DAB1: variants seen among roughly 807,000 people sequenced by gnomAD.
The protein encoded by DAB1 is DAB adaptor protein 1, also known as disabled homolog 1.
A neutral mutation model predicts 64.6 loss-of-function variants in DAB1; 15 were observed. The ratio of observed to expected loss-of-function variants is 0.23; its 90% confidence interval spans 0.16 to 0.36. The LOEUF (loss-of-function observed/expected upper bound fraction) is 0.36, where lower values mean the gene tolerates loss of function less well. Among genes scored for constraint, DAB1 ranks in the 10% least tolerant of loss-of-function variants. The pLI is 1.00. For synonymous variants in DAB1, 235 were observed against 251.9 expected (o/e 0.93, Z 0.64); for missense variants, 596 against 706.7 (o/e 0.84, Z 1.78).
At chr1:58,301,748 C>T (rs545962672) in intron 4 of DAB1, among the ~76,000 whole-genome samples, 41 of 152,114 alleles carry the variant, frequency 2.7e-4, no homozygotes, top group Non-Finnish European at 4.6e-4. Flanking sequence ...CCCAGATTGC[C>T]TTGAGTTCGA....
chr1:57,032,066 C>G (rs1646981615), intron 9 of DAB1, among the ~76,000 whole-genome samples: 1 of 152,172 alleles, frequency 6.6e-6, no homozygotes, highest in South Asian at 2.1e-4. Flanking sequence ...TCAGTAATAT[C>G]TAGTTCAAGA....
chr1:57,265,295 G>A (rs1406670291), intron 2 of DAB1, among the ~76,000 whole-genome samples: 2 of 152,170 alleles, frequency 1.3e-5, no homozygotes, highest in Non-Finnish European at 2.9e-5. Flanking sequence ...TGCAGGATGT[G>A]CGTTCTTGTG....
intron 4 of DAB1, among the ~76,000 whole-genome samples, chr1:57,096,919 A>G (rs990908975): frequency 1.3e-5 from 2 of 152,150 alleles, no homozygotes; most frequent in Non-Finnish European, 2.9e-5. Flanking sequence ...CTGGGCTCCT[A>G]TAACATAGGA....
At chr1:58,192,155 C>T (rs1379994480) in intron 4 of DAB1, among the ~76,000 whole-genome samples, 1 of 152,122 alleles carries the variant, frequency 6.6e-6, no homozygotes, top group Non-Finnish European at 1.5e-5. Flanking sequence ...TGCATGATTC[C>T]AGTTATAGAA....
intron 7 of DAB1, among the ~76,000 whole-genome samples, chr1:57,530,920 T>C (rs945886102): frequency 3.9e-5 from 6 of 152,210 alleles, no homozygotes; most frequent in African/African-American, 1.2e-4. Context: ...GCTAGGCTCC[T>C]CTTCTCTCTT....
In DAB1 at chr1:57,542,954, T is replaced by C. The variant is rs573844338; in HGVS notation, n.625+106638A>G. 3.9e-5 allele frequency among the ~76,000 whole-genome samples: 6 copies of C among 152,276 alleles called. No homozygotes were observed. The South Asian group carries it at 1.2e-3, about 32-fold the overall frequency. ...TCTGGGGGGAAGCCAGCTGCCATGT[T>C]CTTGAGCAGTCTATGGAGAGGTTAC... On this transcript the variant is annotated intron_variant and non_coding_transcript_variant, in intron 7 of 20. Transcript: ENST00000485760.
intron 2 of DAB1, among the ~76,000 whole-genome samples, chr1:57,266,160 A>C (rs1232056887): frequency 6.6e-6 from 1 of 152,226 alleles, no homozygotes; most frequent in African/African-American, 2.4e-5. Context: ...TATCAGAAAA[A>C]GGGGAGGCAG....
chr1:57,746,944 G>A (rs1394398948), intron 6 of DAB1, among the ~76,000 whole-genome samples: 1 of 151,932 alleles, frequency 6.6e-6, no homozygotes. Flanking sequence ...TATATATGAT[G>A]AAAATATTTT....
intron 4 of DAB1, among the ~76,000 whole-genome samples, chr1:58,151,935 C>G (rs1654961452): frequency 6.6e-6 from 1 of 152,116 alleles, no homozygotes; most frequent in Non-Finnish European, 1.5e-5. Context: ...TTCTGAAGAA[C>G]AAGTAGGTCT....
intron 7 of DAB1, among the ~76,000 whole-genome samples, chr1:57,594,144 C>A (rs1295287982): frequency 6.6e-6 from 1 of 152,198 alleles, no homozygotes; most frequent in Non-Finnish European, 1.5e-5. Flanking sequence ...CTTCCCCTTA[C>A]ATGGAAATAA....
intron 3 of DAB1, among the ~76,000 whole-genome samples, chr1:58,383,986 CT>C (rs1435849331): frequency 2.6e-5 from 4 of 151,672 alleles, no homozygotes; most frequent in Non-Finnish European, 4.4e-5. Flanking sequence ...ACTATTTTTA[CT>C]TTCTAACTAA....
At chr1:57,165,927 G>A (rs113579121) in intron 2 of DAB1, among the ~76,000 whole-genome samples, 3 of 152,196 alleles carry the variant, frequency 2.0e-5, no homozygotes, top group Admixed American at 6.5e-5. Context: ...AGGAAGCACC[G>A]AGGAAGAGTT....
At chr1:57,847,982 T>C (rs930385720) in intron 1 of DAB1, among the ~76,000 whole-genome samples, 3 of 152,160 alleles carry the variant, frequency 2.0e-5, no homozygotes, top group Non-Finnish European at 4.4e-5. Flanking sequence ...ATAAGAAAAC[T>C]GAAGAACAAG....
intron 7 of DAB1, among the ~76,000 whole-genome samples, chr1:57,509,037 A>T (rs560644952): frequency 5.3e-5 from 8 of 152,142 alleles, no homozygotes; most frequent in African/African-American, 1.9e-4. Flanking sequence ...ATATATTTGT[A>T]TGTGTATATA....
chr1:58,502,622 T>G (rs192904604), intron 3 of DAB1, among the ~76,000 whole-genome samples: 36 of 152,318 alleles, frequency 2.4e-4, no homozygotes, highest in Admixed American at 2.4e-3. Context: ...AATTTCAAAA[T>G]GTAGTAGTAG....
At chr1:57,663,726 T>C (rs1646414173) in intron 6 of DAB1, among the ~76,000 whole-genome samples, 1 of 152,164 alleles carries the variant, frequency 6.6e-6, no homozygotes, top group South Asian at 2.1e-4. Flanking sequence ...CTGGGGTTAA[T>C]TTATATTATT....
intron 6 of DAB1, among the ~76,000 whole-genome samples, chr1:57,693,199 C>T (rs1162980997): frequency 6.6e-6 from 1 of 152,160 alleles, no homozygotes; most frequent in Non-Finnish European, 1.5e-5. Flanking sequence ...AGGGCCCCTT[C>T]TTCGCCCCTA....
chr1:57,982,804 G>A (rs917282394), intron 5 of DAB1, among the ~76,000 whole-genome samples: 8 of 152,300 alleles, frequency 5.3e-5, no homozygotes, highest in Non-Finnish European at 8.8e-5. Flanking sequence ...TTTCATAGAG[G>A]ATGGGGAAAT....
intron 4 of DAB1, among the ~76,000 whole-genome samples, chr1:58,296,682 T>C (rs1450249433): frequency 6.6e-6 from 1 of 152,198 alleles, no homozygotes; most frequent in Non-Finnish European, 1.5e-5. Context: ...TATGCCTCCA[T>C]AGTACTGTGA....
Sources: gnomAD v4.1 joint callset for allele counts (sites outside exome capture counted in the v4.1 genomes callset) on GRCh38, gnomAD v4.1.1 for gene constraint, MANE v1.5 for transcripts, NCBI Gene and HGNC (gene_info 2026-07-23, HGNC 2026-07-21) for gene names.